The following STAB2 variants were observed in gnomAD, a reference collection of about 807,000 sequenced individuals.
STAB2 encodes stabilin-2.
STAB2 carries 288 observed loss-of-function variants against 338.1 expected under a neutral mutation model. The ratio of observed to expected loss-of-function variants is 0.85; its 90% CI spans 0.77 to 0.94. The LOEUF is 0.94. Ranked by LOEUF, STAB2 falls within the 40% of genes least tolerant of loss-of-function variation. The pLI, the probability that STAB2 is intolerant of heterozygous loss-of-function variation, is 0.00. For missense variants in STAB2, 3,141 were observed against 3,210.1 expected (o/e 0.98, Z 0.52); for synonymous variants, 1,202 against 1,193.3 (o/e 1.01, Z -0.15).
chr12:103,666,589 T>G (rs756782403), intron 19 of STAB2, among the ~76,000 whole-genome samples: 12 of 152,256 alleles, frequency 7.9e-5, no homozygotes, highest in Non-Finnish European at 1.5e-4. Flanking sequence ...TCTTCATCTG[T>G]AAATGATAAT....
chr12:103,663,687 T>A (rs1874821426), intron 18 of STAB2, among the ~76,000 whole-genome samples: 1 of 152,216 alleles, frequency 6.6e-6, no homozygotes, highest in Non-Finnish European at 1.5e-5. Context: ...TCATTATATT[T>A]AAGGCCCACA....
chr12:103,702,597 C>A (rs929279702), intron 34 of STAB2, among the ~76,000 whole-genome samples: 3 of 152,248 alleles, frequency 2.0e-5, no homozygotes, highest in Non-Finnish European at 4.4e-5. Context: ...CCGCGCCCGG[C>A]CTATCAGTTA....
chr12:103,596,948 A>T (rs556107249), intron 3 of STAB2, among the ~76,000 whole-genome samples: 1,092 of 75,394 alleles, frequency 0.014, 8 homozygotes, highest in South Asian at 0.038. Flanking sequence ...GTGAGACCCT[A>T]TCTCAAAAAA....
At position 103,746,777 on chromosome 12, in the gene STAB2, G is replaced by A. The variant is rs1883073336; in HGVS notation, c.6244+73G>A. On this transcript the variant is annotated intron_variant, in intron 58 of 68. Transcript: ENST00000388887. ...GGAGCAGGACTTGCTCACAGTGCCTGGGCTTCATCCTAGCCCTCCTTCCTG... is the reference window on the plus strand; with the variant it reads ...GGAGCAGGACTTGCTCACAGTGCCTAGGCTTCATCCTAGCCCTCCTTCCTG... 15 of 1,478,834 alleles carry A rather than the reference G, an allele frequency of 1.0e-5. No individual in the cohort carries two copies. The South Asian group carries it at 1.4e-4, about 14-fold the overall frequency. The allele number at this position is 1,478,834 out of a possible 1,614,324, so 91.6% of individuals were successfully genotyped here. A position where few individuals can be genotyped will look rare whatever the true frequency, so the allele number is the denominator to read the frequency against.
chr12:103,683,328 AC>A (rs1877097566), intron 26 of STAB2, 28 bp downstream of exon 26: 5 of 1,470,456 alleles, frequency 3.4e-6, no homozygotes, highest in Non-Finnish European at 4.6e-6. Context: ...GTTTTTCATT[AC>A]TTAAAAAAAA....
intron 22 of STAB2, among the ~76,000 whole-genome samples, chr12:103,673,266 TGGCCTCTTTCAAAGCGTCACATC>T (rs909520633): frequency 2.0e-5 from 3 of 152,132 alleles, no homozygotes; most frequent in Non-Finnish European, 4.4e-5. Flanking sequence ...TGGAGTTCCT[TGGCCTCTTTCAAAGCGTCACATC>T]CTCTTCCCCA....
intron 35 of STAB2, among the ~76,000 whole-genome samples, chr12:103,703,810 G>A (rs931088153): frequency 7.9e-5 from 12 of 152,092 alleles, no homozygotes; most frequent in African/African-American, 1.2e-4. Flanking sequence ...GACGTTTATC[G>A]GACACTCGTT....
intron 60 of STAB2, among the ~76,000 whole-genome samples, chr12:103,752,757 T>C (rs752353905): frequency 2.6e-5 from 4 of 152,194 alleles, no homozygotes; most frequent in Non-Finnish European, 4.4e-5. Context: ...ATAATTATGA[T>C]TTAATGTTGT....
intron 44 of STAB2, among the ~76,000 whole-genome samples, chr12:103,721,524 G>A (rs1399951956): frequency 6.6e-6 from 1 of 152,212 alleles, no homozygotes; most frequent in Non-Finnish European, 1.5e-5. Context: ...TGATCATGTA[G>A]GTCAATGTCA....
intron 34 of STAB2, among the ~76,000 whole-genome samples, chr12:103,699,434 T>C (rs12578430): frequency 0.42 from 63,445 of 152,006 alleles, 14,731 homozygotes; most frequent in Non-Finnish European, 0.53. Flanking sequence ...CTCACAATCA[T>C]AGTGGAAGGC....
At chr12:103,588,732 C>T (rs1365994103) in intron 1 of STAB2, among the ~76,000 whole-genome samples, 1 of 152,104 alleles carries the variant, frequency 6.6e-6, no homozygotes, top group Non-Finnish European at 1.5e-5. Flanking sequence ...AGACAAAGTA[C>T]TGTAACCCCA....
chr12:103,691,895 T>C, intron 30 of STAB2, among the ~76,000 whole-genome samples: 1 of 115,428 alleles, frequency 8.7e-6, no homozygotes. Flanking sequence ...CCAGTTGGTG[T>C]TGATTGGTGG....
At chr12:103,664,877 A>G (rs1874939202) in intron 18 of STAB2, among the ~76,000 whole-genome samples, 1 of 152,230 alleles carries the variant, frequency 6.6e-6, no homozygotes, top group African/African-American at 2.4e-5. Flanking sequence ...TAAGAGAGGC[A>G]GAAACATGGT....
intron 44 of STAB2, among the ~76,000 whole-genome samples, chr12:103,718,449 A>G (rs7975156): frequency 0.27 from 41,320 of 151,998 alleles, 9,129 homozygotes; most frequent in African/African-American, 0.61. Flanking sequence ...TCATATGGGG[A>G]TAGAAGCACT....
At position 103,641,325 on chromosome 12, in the gene STAB2, T is replaced by A. The variant is rs1460756595; in HGVS notation, c.1040+1069T>A. ...AGCTGGGATATCAGAACACTTAGGT[T>A]CAAATCCCAAGTCTGCCCCTTACCT... is the stretch of plus-strand genomic sequence containing the variant. On this transcript the variant is annotated intron_variant, in intron 9 of 68. Coordinates refer to ENST00000388887, the MANE Select transcript of STAB2 (RefSeq NM_017564.10). 2.0e-5 allele frequency among the ~76,000 whole-genome samples: 3 copies of A among 152,162 alleles called. No homozygotes were observed. In the East Asian group the frequency reaches 5.8e-4, roughly 29 times the overall value.
chr12:103,611,219 C>G (rs183103437), intron 3 of STAB2, among the ~76,000 whole-genome samples: 93 of 152,278 alleles, frequency 6.1e-4, no homozygotes, highest in African/African-American at 2.1e-3. Context: ...TGGTGCAGAG[C>G]TGAGTTCAAT....
At chr12:103,592,158 A>C (rs1956808819) in intron 2 of STAB2, 1 of 152,174 alleles carries the variant, frequency 6.6e-6, no homozygotes, top group Admixed American at 6.5e-5. Context: ...TGGAGGTTAG[A>C]TTCTAATACG....
chr12:103,610,971 G>T (rs1431032560), intron 3 of STAB2, among the ~76,000 whole-genome samples: 1 of 152,222 alleles, frequency 6.6e-6, no homozygotes, highest in Non-Finnish European at 1.5e-5. Flanking sequence ...GGAGCAGGTT[G>T]TTCAGTTTCT....
intron 5 of STAB2, among the ~76,000 whole-genome samples, chr12:103,625,579 A>C (rs1957368774): frequency 6.6e-6 from 1 of 152,182 alleles, no homozygotes. Context: ...CTCATTGTTC[A>C]GTTCCTACCT....
Sources: gnomAD v4.1 joint callset for allele counts (sites outside exome capture counted in the v4.1 genomes callset) on GRCh38, gnomAD v4.1.1 for gene constraint, MANE v1.5 for transcripts, NCBI Gene and HGNC (gene_info 2026-07-23, HGNC 2026-07-21) for gene names.